Variants in PTPRC observed in about 807,000 individuals in gnomAD.
PTPRC encodes the protein receptor-type tyrosine-protein phosphatase C.
In PTPRC, 44 loss-of-function variants were observed where a neutral mutation model predicts 155.9. The ratio of observed to expected loss-of-function variants is 0.28; its 90% CI spans 0.22 to 0.36. The LOEUF is 0.36. PTPRC is among the 10% of genes least tolerant of loss of function. The pLI is 1.00. For synonymous variants in PTPRC, 525 were observed against 533.1 expected (o/e 0.98, Z 0.21); for missense variants, 1,401 against 1,564.6 (o/e 0.90, Z 1.76).
intron 5 of PTPRC, among the ~76,000 whole-genome samples, chr1:198,700,858 G>C (rs550626288): frequency 6.6e-6 from 1 of 152,146 alleles, no homozygotes; most frequent in African/African-American, 2.4e-5. Context: ...CAAGGGAAAC[G>C]AAGTTTTCAA....
Position 198,755,952 on chromosome 1 carries a change from C to G in PTPRC, c.3692C>G (p.Ala1231Gly). 6.2e-7 allele frequency: 1 copy of G among 1,612,784 alleles called. No individual in the cohort carries two copies. Among genetic ancestry groups the G allele is most frequent in the Non-Finnish European group, 8.5e-7 (1 of 1,179,202 alleles). ...LYDVIASTYP[A>G]QNGQVKKNNH... ...GACGTCATTGCCAGCACCTACCCTG[C>G]TCAGAATGGACAAGTAAAGAAAAAC... Residue 1231 changes from alanine to glycine, a missense_variant, in exon 33 of 33, where the codon GCT becomes GGT. Coordinates refer to ENST00000442510, the MANE Select transcript of PTPRC (RefSeq NM_002838.5).
chr1:198,737,656 G>A (rs1401917046), intron 23 of PTPRC, among the ~76,000 whole-genome samples: 1 of 151,528 alleles, frequency 6.6e-6, no homozygotes, highest in Non-Finnish European at 1.5e-5. Context: ...GTCTTTTGTG[G>A]TTTCATATAA....
intron 14 of PTPRC, among the ~76,000 whole-genome samples, chr1:198,718,552 A>G (rs1420773712): frequency 6.6e-6 from 1 of 152,210 alleles, no homozygotes; most frequent in Non-Finnish European, 1.5e-5. Context: ...TAGCTAAATT[A>G]TTGCTTCTGT....
rs1469485753 is a variant in PTPRC at position 198,756,777 on chromosome 1, T to TTA, written c.*596_*597insTA. ...ACTACAAAAAAGTTGTTAACTAAAT[T>TTA]AACATTGGGAAATCTTATATTCCAT... On this transcript the variant is annotated 3_prime_UTR_variant, in exon 33 of 33. Coordinates refer to ENST00000442510, the MANE Select transcript of PTPRC (RefSeq NM_002838.5). 6.6e-6 allele frequency: 1 copy of TTA among 152,060 alleles called. No individual in the cohort carries two copies. The highest frequency in any genetic ancestry group is 1.9e-4 in the East Asian group (1 of 5,162). 9.4% of individuals were successfully genotyped at this position (152,060 alleles called of 1,614,324 possible).
intron 2 of PTPRC, among the ~76,000 whole-genome samples, chr1:198,675,395 C>A (rs78919250): frequency 0.042 from 6,425 of 152,134 alleles, 446 homozygotes; most frequent in African/African-American, 0.15. Flanking sequence ...TAATATTTAG[C>A]TTTTATTCTT....
intron 23 of PTPRC, among the ~76,000 whole-genome samples, chr1:198,740,578 T>A (rs989107032): frequency 8.0e-6 from 1 of 125,552 alleles, no homozygotes; most frequent in Non-Finnish European, 1.9e-5. Context: ...TGAGACTTTA[T>A]CTCAAAAAAA....
At chr1:198,707,378 C>A (rs928580648) in intron 9 of PTPRC, among the ~76,000 whole-genome samples, 1 of 151,950 alleles carries the variant, frequency 6.6e-6, no homozygotes, top group Non-Finnish European at 1.5e-5. Flanking sequence ...AAAATACATT[C>A]ATAAAAAGGA....
intron 2 of PTPRC, among the ~76,000 whole-genome samples, chr1:198,642,940 CTT>C (rs1207905505): frequency 6.8e-6 from 1 of 147,634 alleles, no homozygotes; most frequent in East Asian, 2.0e-4. Flanking sequence ...TTCTTTCTTT[CTT>C]TCTTTCTTTC....
intron 2 of PTPRC, among the ~76,000 whole-genome samples, chr1:198,646,265 A>G (rs1662933362): frequency 1.3e-5 from 2 of 151,878 alleles, no homozygotes; most frequent in African/African-American, 2.4e-5. Flanking sequence ...AATTTTTACA[A>G]TAACTATTAG....
At chr1:198,744,875 A>C (rs560033799) in intron 26 of PTPRC, among the ~76,000 whole-genome samples, 1 of 151,794 alleles carries the variant, frequency 6.6e-6, no homozygotes, top group Non-Finnish European at 1.5e-5. Flanking sequence ...TTTTAATCAC[A>C]TGCAGAACCA....
At chr1:198,671,562 A>G (rs1041702891) in intron 2 of PTPRC, among the ~76,000 whole-genome samples, 2 of 152,142 alleles carry the variant, frequency 1.3e-5, no homozygotes, top group Non-Finnish European at 2.9e-5. Flanking sequence ...TCTTTTATAA[A>G]TTTGTGACTT....
chr1:198,717,377 C>T (rs1480164543), intron 13 of PTPRC, among the ~76,000 whole-genome samples: 1 of 152,188 alleles, frequency 6.6e-6, no homozygotes, highest in African/African-American at 2.4e-5. Context: ...CTAGTATAAT[C>T]TCTCCATAGT....
chr1:198,670,276 T>C (rs1266243189), intron 2 of PTPRC, among the ~76,000 whole-genome samples: 2 of 152,282 alleles, frequency 1.3e-5, no homozygotes, highest in East Asian at 1.9e-4. Flanking sequence ...ATCTCCATGA[T>C]GAAATATTTA....
At chr1:198,693,078 A>G (rs1666015454) in intron 3 of PTPRC, 2 of 976,982 alleles carry the variant, frequency 2.0e-6, no homozygotes, top group South Asian at 4.7e-5. Context: ...TAAGAAGGTA[A>G]GTAAAACAAT....
chr1:198,666,259 AAG>A (rs1454515664), intron 2 of PTPRC, among the ~76,000 whole-genome samples: 3 of 139,704 alleles, frequency 2.1e-5, no homozygotes, highest in Admixed American at 1.4e-4. Context: ...AAAAAAAAAA[AAG>A]AGAGATGTAG....
intron 14 of PTPRC, among the ~76,000 whole-genome samples, chr1:198,718,540 T>C (rs1026899805): frequency 1.9e-4 from 29 of 152,348 alleles, no homozygotes; most frequent in African/African-American, 7.2e-5. Flanking sequence ...ATGACTTAAT[T>C]ATAGCTAAAT....
At position 198,703,326 on chromosome 1, in the gene PTPRC, C is replaced by G. The variant is rs1293348455; in HGVS notation, c.612C>G (p.Thr204=). 5 of 1,613,216 alleles carry G rather than the reference C, an allele frequency of 3.1e-6. No individual in the cohort carries two copies. Among genetic ancestry groups the G allele is most frequent in the Non-Finnish European group, 4.2e-6 (5 of 1,180,000 alleles). ...SDAYLNASET[T]TLSPSGSAVI... ...CCTACCTTAATGCCTCTGAAACAAC[C>G]ACTCTGAGCCCTTCTGGAAGCGCTG... Residue 204 remains threonine, a synonymous_variant, in exon 7 of 33, where the codon ACC becomes ACG. Transcript: ENST00000442510.
intron 2 of PTPRC, among the ~76,000 whole-genome samples, chr1:198,662,736 A>G (rs1325182146): frequency 6.6e-6 from 1 of 152,146 alleles, no homozygotes; most frequent in Non-Finnish European, 1.5e-5. Flanking sequence ...TCCTTTCCTA[A>G]AATAGTTTTA....
At chr1:198,700,017 G>A in intron 5 of PTPRC, 1 of 446,144 alleles carries the variant, frequency 2.2e-6, no homozygotes, top group Admixed American at 3.6e-5. Flanking sequence ...TTAGAAGTAA[G>A]AAATAATATG....
Sources: allele counts gnomAD v4.1 joint callset (sites outside exome capture counted in the v4.1 genomes callset), GRCh38; gene constraint gnomAD v4.1.1; transcripts MANE v1.5; gene names NCBI Gene and HGNC (gene_info 2026-07-23, HGNC 2026-07-21).